SIK3: variants seen among roughly 807,000 people sequenced by gnomAD.
SIK3 encodes the protein serine/threonine-protein kinase SIK3.
In SIK3, 28 loss-of-function variants were observed where a neutral mutation model predicts 144.2. That is an observed-to-expected ratio of 0.19 (90% confidence interval 0.14 to 0.27). The LOEUF is 0.27. Ranked by LOEUF, SIK3 falls within the 10% of genes least tolerant of loss-of-function variation. The probability of loss-of-function intolerance (pLI) is 1.00; values close to 1 mark genes in which losing one functional copy is unlikely to be tolerated. For synonymous variants in SIK3, 686 were observed against 676.3 expected (o/e 1.01, Z -0.22); for missense variants, 1,319 against 1,776.0 (o/e 0.74, Z 4.62).
intron 1 of SIK3, among the ~76,000 whole-genome samples, chr11:117,097,828 C>T (rs1295148338): frequency 6.6e-6 from 1 of 152,128 alleles, no homozygotes; most frequent in African/African-American, 2.4e-5. Flanking sequence ...TCTCCCGGCC[C>T]TCGGGGAGTT....
chr11:116,996,819 C>CAAAAAA lies in SIK3; in HGVS notation c.274-39761_274-39756dup, dbSNP rs11329513. On this transcript the variant is annotated intron_variant, in intron 1 of 24. Coordinates refer to ENST00000445177, the MANE Select transcript of SIK3 (RefSeq NM_001366686.3). ...TGGGCGCCAGAGGGAGACTCTCTCT[C>CAAAAAA]AAAAAAAAAAAAAAAAAAAAAAAAA... Among the ~76,000 whole-genome samples, 152 of 58,410 alleles carry CAAAAAA rather than the reference C, an allele frequency of 2.6e-3. 5 individuals carry two copies. The highest frequency in any genetic ancestry group is 8.9e-3 in the East Asian group (14 of 1,578). The allele number at this position is 58,410 out of a possible 152,430, so 38.3% of individuals were successfully genotyped here.
At chr11:116,956,777 T>C (rs904443405) in intron 2 of SIK3, among the ~76,000 whole-genome samples, 171 bp downstream of exon 2, 5 of 152,160 alleles carry the variant, frequency 3.3e-5, no homozygotes, top group Non-Finnish European at 5.9e-5. Context: ...CAGGGGAAAC[T>C]TGAGGATACT....
At chr11:116,970,806 T>G (rs1041094899) in intron 1 of SIK3, among the ~76,000 whole-genome samples, 1 of 152,010 alleles carries the variant, frequency 6.6e-6, no homozygotes, top group African/African-American at 2.4e-5. Flanking sequence ...TGTACTACCA[T>G]GCCCAGCTAA....
At chr11:117,037,045 A>T (rs1370527437) in intron 1 of SIK3, among the ~76,000 whole-genome samples, 2 of 152,192 alleles carry the variant, frequency 1.3e-5, no homozygotes, top group African/African-American at 4.8e-5. Context: ...AAAATATTTG[A>T]TCATAGAAAT....
chr11:117,051,742 T>C (rs952197042), intron 1 of SIK3, among the ~76,000 whole-genome samples: 1 of 152,116 alleles, frequency 6.6e-6, no homozygotes, highest in African/African-American at 2.4e-5. Flanking sequence ...TTGGCCGACC[T>C]GGTCTCAAAC....
At position 116,965,384 on chromosome 11, in the gene SIK3, T is replaced by TA. The variant is rs570167440; in HGVS notation, c.274-8321dup. On this transcript the variant is annotated intron_variant, in intron 1 of 24. Transcript: ENST00000445177. ...AATGTATTCAACAATTTTTTTTTTTTAAAAAAAAGGAGTGGAGGAAAAGAG... is the reference window on the plus strand; with the variant it reads ...AATGTATTCAACAATTTTTTTTTTTTAAAAAAAAAGGAGTGGAGGAAAAGAG... Among the ~76,000 whole-genome samples, 563 of 150,974 alleles carry TA rather than the reference T, an allele frequency of 3.7e-3. 3 individuals carry two copies. The highest frequency in any genetic ancestry group is 0.013 in the African/African-American group (519 of 41,042).
At chr11:117,097,127 A>G (rs1955509424) in intron 1 of SIK3, among the ~76,000 whole-genome samples, 1 of 152,202 alleles carries the variant, frequency 6.6e-6, no homozygotes, top group African/African-American at 2.4e-5. Flanking sequence ...CGAAGGCTAC[A>G]TGAAAGTGCT....
intron 3 of SIK3, among the ~76,000 whole-genome samples, chr11:116,945,780 T>A (rs1309994028): frequency 6.6e-6 from 1 of 152,186 alleles, no homozygotes; most frequent in African/African-American, 2.4e-5. Flanking sequence ...CAATTCTGTA[T>A]AATGGAATAA....
intron 3 of SIK3, 112 bp downstream of exon 3, chr11:116,953,932 G>A (rs1949047800): frequency 2.8e-6 from 2 of 720,292 alleles, no homozygotes; most frequent in Non-Finnish European, 4.7e-6. Context: ...TGGCAGGATT[G>A]AAGAACAGCA....
chr11:117,082,961 C>T (rs1361833343), intron 1 of SIK3, among the ~76,000 whole-genome samples: 1 of 152,038 alleles, frequency 6.6e-6, no homozygotes, highest in East Asian at 1.9e-4. Flanking sequence ...AAAGGTTCCA[C>T]AAAGAGCTGG....
intron 18 of SIK3, 147 bp from the exon 19 acceptor site, chr11:116,861,530 CCA>C (rs1405488976): frequency 1.5e-6 from 1 of 649,942 alleles, no homozygotes; most frequent in Non-Finnish European, 2.6e-6. Flanking sequence ...AAGCCATCCA[CCA>C]CAGTGTATTT....
intron 1 of SIK3, among the ~76,000 whole-genome samples, chr11:116,977,960 T>A (rs914299855): frequency 2.0e-5 from 3 of 152,250 alleles, no homozygotes; most frequent in Non-Finnish European, 4.4e-5. Flanking sequence ...GGCTCACGCC[T>A]GTAATCCCAG....
At chr11:116,847,413 G>A (rs948670793) in intron 23 of SIK3, 63 bp downstream of exon 23, 16 of 1,606,308 alleles carry the variant, frequency 1.0e-5, no homozygotes, top group South Asian at 4.4e-5. Flanking sequence ...GAGCAGTTAC[G>A]GAAGATGGAG....
At chr11:116,938,706 G>C (rs1159316787) in intron 3 of SIK3, among the ~76,000 whole-genome samples, 2 of 150,338 alleles carry the variant, frequency 1.3e-5, no homozygotes, top group East Asian at 3.9e-4. Context: ...TTCCATGTCT[G>C]GTACAGGAAA....
chr11:116,928,667 A>C (rs556191091), intron 3 of SIK3, among the ~76,000 whole-genome samples: 1 of 152,320 alleles, frequency 6.6e-6, no homozygotes, highest in South Asian at 2.1e-4. Context: ...AGGTTGAAGA[A>C]GGGGAGTTAG....
intron 4 of SIK3, among the ~76,000 whole-genome samples, chr11:116,914,616 A>G (rs1446311353): frequency 2.0e-5 from 3 of 152,204 alleles, no homozygotes; most frequent in Non-Finnish European, 4.4e-5. Context: ...GATACACATG[A>G]AACAAGCACA....
In SIK3 at chr11:117,098,326, G is replaced by A; in HGVS notation, c.90C>T (p.Pro30=). Residue 30 remains proline (P), a synonymous_variant, in exon 1 of 25, where the codon CCC becomes CCT. Transcript: ENST00000445177. Reference sequence around the variant, plus strand: ...CGGGGGCGGCTGGGGACCCCGGCGCGGGCGGAGGCAGCAGGCGGCCCGCGG... The same window carrying A: ...CGGGGGCGGCTGGGGACCCCGGCGCAGGCGGAGGCAGCAGGCGGCCCGCGG... ...AGPAGRLLPP[P]APGSPAAPAA... The A allele has an allele frequency of 1.7e-6, 2 of 1,155,914 alleles. No homozygotes were observed. Among genetic ancestry groups the A allele is most frequent in the Non-Finnish European group, 2.1e-6 (2 of 942,206 alleles). 71.6% of individuals were successfully genotyped at this position (1,155,914 alleles called of 1,614,324 possible).
At chr11:116,917,870 G>GGAAAGGAAAGGAAA (rs1441421866) in intron 4 of SIK3, among the ~76,000 whole-genome samples, 1 of 151,580 alleles carries the variant, frequency 6.6e-6, no homozygotes, top group Non-Finnish European at 1.5e-5. Flanking sequence ...GGAAAGGAAA[G>GGAAAGGAAAGGAAA]GGAGAAACAA....
Position 116,990,940 on chromosome 11 carries a change from A to G in SIK3, c.274-33876T>C, listed in dbSNP as rs1020353887. ...CTGTTACCACAAAATAATCACTACT[A>G]TTTTTCAGCTACATTTACAGTGTGT... On this transcript the variant is annotated intron_variant, in intron 1 of 24. Transcript: ENST00000445177. Among the ~76,000 whole-genome samples, 4 of 152,044 alleles carry G rather than the reference A, an allele frequency of 2.6e-5. No homozygotes were observed. In the South Asian group the frequency reaches 6.2e-4, roughly 24 times the overall value.
Sources: gnomAD v4.1 joint callset for allele counts (sites outside exome capture counted in the v4.1 genomes callset) on GRCh38, gnomAD v4.1.1 for gene constraint, MANE v1.5 for transcripts, NCBI Gene and HGNC (gene_info 2026-07-23, HGNC 2026-07-21) for gene names.